Variants in PUS10 observed in about 807,000 individuals in gnomAD.
The protein encoded by PUS10 is tRNA pseudouridine synthase Pus10.
PUS10 carries 59 observed loss-of-function variants against 75.0 expected under a neutral mutation model. The ratio of observed to expected loss-of-function variants is 0.79; its 90% CI spans 0.64 to 0.98. PUS10 has a LOEUF of 0.98. Ranked by LOEUF, PUS10 falls within the 50% of genes least tolerant of loss-of-function variation. The pLI is 0.00. For missense variants in PUS10, 650 were observed against 614.4 expected, an observed-to-expected ratio of 1.06 and a Z score of -0.61; for synonymous variants, 219 against 211.6, an observed-to-expected ratio of 1.03 and a Z score of -0.30.
rs1416171009 is a variant in PUS10 at position 61,011,896 on chromosome 2, A to G, written c.-6T>C. ...TCCTCAGTCAGTGGGAACATATTGA[A>G]TAATTATAACTAGAAAGAAAAGAAG... On this transcript the variant is annotated 5_prime_UTR_variant, in exon 2 of 18. Coordinates refer to ENST00000316752, the MANE Select transcript of PUS10 (RefSeq NM_144709.4). 5 of 1,593,994 alleles carry G rather than the reference A, an allele frequency of 3.1e-6. No individual in the cohort carries two copies. Among genetic ancestry groups the G allele is most frequent in the Non-Finnish European group, 4.3e-6 (5 of 1,174,370 alleles).
Position 60,949,572 on chromosome 2 carries a change from T to G in PUS10, c.1309-1387A>C, listed in dbSNP as rs374959019. 2.4e-4 allele frequency among the ~76,000 whole-genome samples: 37 copies of G among 152,314 alleles called. 2 individuals carry two copies. In the East Asian group the frequency reaches 2.7e-3, roughly 11 times the overall value. ...CACACATACGCTTGTTTTTGTTTTTTTTTTTAGAAATAAGATGCTCCTGAA... is the reference window on the plus strand; with the variant it reads ...CACACATACGCTTGTTTTTGTTTTTGTTTTTAGAAATAAGATGCTCCTGAA... On this transcript the variant is annotated intron_variant, in intron 15 of 17. Transcript: ENST00000316752.
At position 60,971,576 on chromosome 2, in the gene PUS10, C is replaced by T; in HGVS notation, c.469-19G>A. The T allele has an allele frequency of 6.2e-7, 1 of 1,612,040 alleles. No individual in the cohort carries two copies. The highest frequency in any genetic ancestry group is 8.5e-7 in the Non-Finnish European group (1 of 1,178,272). On this transcript the variant is annotated intron_variant, in intron 4 of 17. Transcript: ENST00000316752. ...CAGCATGCTGTAGGCAATTTAGTCA[C>T]ACCCAGAAAGAGAAAAGGGGGAAAC...
Position 61,016,981 on chromosome 2 carries a change from C to T in PUS10, c.-16+1027G>A, listed in dbSNP as rs115319213. ...TGAAAAGTTCATCCCGAGATCTAAC[C>T]TCAAGCCTCAGTTTTCGCCAAGCAA... On this transcript the variant is annotated intron_variant, in intron 1 of 17. Transcript: ENST00000316752. 7.0e-3 allele frequency among the ~76,000 whole-genome samples: 1,071 copies of T among 152,196 alleles called. 5 individuals carry two copies. The highest frequency in any genetic ancestry group is 0.011 in the Non-Finnish European group (745 of 68,012).
chr2:60,953,775 A>T (rs186816124), intron 14 of PUS10, among the ~76,000 whole-genome samples, 158 bp downstream of exon 14: 1 of 152,262 alleles, frequency 6.6e-6, no homozygotes, highest in African/African-American at 2.4e-5. Flanking sequence ...GGCTATTCCT[A>T]TATCCTCCTT....
chr2:60,972,165 A>T (rs1457371238), intron 4 of PUS10, among the ~76,000 whole-genome samples: 2 of 132,250 alleles, frequency 1.5e-5, no homozygotes, highest in African/African-American at 5.3e-5. Context: ...CACCGCGCCC[A>T]GCCCGCATTT....
intron 7 of PUS10, 78 bp downstream of exon 7, chr2:60,965,345 A>T: frequency 8.5e-7 from 1 of 1,171,670 alleles, no homozygotes; most frequent in Non-Finnish European, 1.3e-6. Context: ...TATTAGGAAG[A>T]GAAGCAATAC....
At chr2:61,015,943 T>G (rs1679949135) in intron 1 of PUS10, among the ~76,000 whole-genome samples, 1 of 152,210 alleles carries the variant, frequency 6.6e-6, no homozygotes, top group African/African-American at 2.4e-5. Context: ...TTTACTTAAT[T>G]CAGAAGTAAC....
chr2:61,015,452 G>A (rs1679906599), intron 1 of PUS10, among the ~76,000 whole-genome samples: 2 of 151,906 alleles, frequency 1.3e-5, no homozygotes, highest in Admixed American at 1.3e-4. Flanking sequence ...GTAAGCCCAG[G>A]ACTTTGGGAG....
intron 4 of PUS10, among the ~76,000 whole-genome samples, chr2:61,003,279 T>C (rs1043152806): frequency 6.6e-6 from 1 of 151,998 alleles, no homozygotes; most frequent in South Asian, 2.1e-4. Flanking sequence ...CTGACCAACA[T>C]GGTGAAACCG....
intron 4 of PUS10, among the ~76,000 whole-genome samples, chr2:60,977,979 A>G (rs1677140751): frequency 6.6e-6 from 1 of 152,226 alleles, no homozygotes; most frequent in African/African-American, 2.4e-5. Context: ...ACATTAAGCT[A>G]TTAATAGTAA....
intron 4 of PUS10, among the ~76,000 whole-genome samples, chr2:60,977,317 A>G (rs1573448507): frequency 6.6e-6 from 1 of 152,172 alleles, no homozygotes; most frequent in East Asian, 1.9e-4. Flanking sequence ...GTAAAGTTGG[A>G]CACTTTGGGG....
At chr2:61,005,578 C>G (rs898688292) in intron 4 of PUS10, among the ~76,000 whole-genome samples, 2 of 152,158 alleles carry the variant, frequency 1.3e-5, no homozygotes, top group African/African-American at 4.8e-5. Context: ...AAGTCTGTTT[C>G]TCTCTACCAA....
chr2:60,956,555 TAAAACTTCCCACAAATTCCAGCCCATC>T (rs1291378878), intron 11 of PUS10, among the ~76,000 whole-genome samples: 1 of 152,152 alleles, frequency 6.6e-6, no homozygotes, highest in Non-Finnish European at 1.5e-5. Flanking sequence ...AAGTCAGCCA[TAAAACTTCCCACAAATTCCAGCCCATC>T]AGTAAGAAAG....
intron 4 of PUS10, among the ~76,000 whole-genome samples, chr2:60,977,562 G>GT (rs1677111368): frequency 6.6e-6 from 1 of 152,102 alleles, no homozygotes; most frequent in African/African-American, 2.4e-5. Context: ...TTGTACTATT[G>GT]TTTTTCTTGT....
At chr2:60,944,341 G>T (rs1435667152) in intron 17 of PUS10, 1 of 434,742 alleles carries the variant, frequency 2.3e-6, no homozygotes, top group East Asian at 1.6e-4. Flanking sequence ...TTTTCACATT[G>T]GGCAACTATG....
chr2:60,992,465 T>A (rs183227738), intron 4 of PUS10, among the ~76,000 whole-genome samples: 1 of 152,348 alleles, frequency 6.6e-6, no homozygotes, highest in East Asian at 1.9e-4. Flanking sequence ...GCTTTCAGAA[T>A]ATGAAAGTCT....
intron 4 of PUS10, among the ~76,000 whole-genome samples, chr2:60,995,838 C>G (rs529047560): frequency 6.7e-4 from 102 of 152,280 alleles, no homozygotes; most frequent in Non-Finnish European, 1.1e-3. Flanking sequence ...AACTTCAAAT[C>G]TTTGAGGCTA....
chr2:61,002,542 G>T (rs1678922047), intron 4 of PUS10, among the ~76,000 whole-genome samples: 2 of 152,018 alleles, frequency 1.3e-5, no homozygotes, highest in African/African-American at 2.4e-5. Context: ...CCGCCTCCTG[G>T]GCTACAGTGA....
chr2:60,960,620 G>T, intron 10 of PUS10, 103 bp from the exon 11 acceptor site: 2 of 1,081,694 alleles, frequency 1.8e-6, no homozygotes, highest in Non-Finnish European at 2.6e-6. Context: ...TAAGTGCTAC[G>T]ATATAAAACA....
Sources: gnomAD v4.1 joint callset for allele counts (sites outside exome capture counted in the v4.1 genomes callset) on GRCh38, gnomAD v4.1.1 for gene constraint, MANE v1.5 for transcripts, NCBI Gene and HGNC (gene_info 2026-07-23, HGNC 2026-07-21) for gene names.